The following BCKDHB variants were observed in gnomAD, a reference collection of about 807,000 sequenced individuals.
BCKDHB encodes branched chain keto acid dehydrogenase E1 subunit beta.
Under a neutral mutation model 48.5 loss-of-function variants are expected in BCKDHB, and 41 were observed. The ratio of observed to expected loss-of-function variants is 0.85; its 90% CI spans 0.66 to 1.10. The LOEUF is 1.10. Among genes scored for constraint, BCKDHB ranks in the 50% least tolerant of loss-of-function variants. BCKDHB has a pLI of 0.00. For synonymous variants in BCKDHB, 201 were observed against 174.8 expected, an observed-to-expected ratio of 1.15 and a Z score of -1.18; for missense variants, 496 against 494.2, an observed-to-expected ratio of 1.00 and a Z score of -0.03.
At chr6:80,205,837 G>GTGTGTGTGTGTGT (rs1368120428) in intron 8 of BCKDHB, among the ~76,000 whole-genome samples, 14 of 91,918 alleles carry the variant, frequency 1.5e-4, no homozygotes, top group African/African-American at 5.2e-4. Flanking sequence ...TGTGTGTGTA[G>GTGTGTGTGTGTGT]GTGGATTGGC....
rs756647770 is a variant in BCKDHB, at chr6:80,203,213, G to A, written c.951+1G>A. ...TTGGGATGTGGACACAATTTGTAAGGTATGAATATAATGGTGATAGAATGT... is the reference window on the plus strand; with the variant it reads ...TTGGGATGTGGACACAATTTGTAAGATATGAATATAATGGTGATAGAATGT... On this transcript the variant is annotated splice_donor_variant, in intron 8 of 9. Transcript: ENST00000320393. LOFTEE classifies it high-confidence loss of function. 8 of 1,572,932 alleles carry A rather than the reference G, an allele frequency of 5.1e-6. No individual in the cohort carries two copies. The highest frequency in any genetic ancestry group is 1.1e-5 in the South Asian group (1 of 90,226).
At chr6:80,151,975 A>G (rs995245973) in intron 3 of BCKDHB, among the ~76,000 whole-genome samples, 2 of 152,142 alleles carry the variant, frequency 1.3e-5, no homozygotes, top group Non-Finnish European at 2.9e-5. Flanking sequence ...ATGTTTTAGG[A>G]AACATCTCAT....
At chr6:80,288,509 A>G (rs967092603) in intron 9 of BCKDHB, among the ~76,000 whole-genome samples, 7 of 152,138 alleles carry the variant, frequency 4.6e-5, no homozygotes, top group African/African-American at 1.7e-4. Flanking sequence ...CATAGAAAAC[A>G]GGGATTTAGA....
Position 80,299,531 on chromosome 6 carries a change from A to G in BCKDHB, c.1038+26310A>G, listed in dbSNP as rs977707128. Reference sequence around the variant, plus strand: ...GCAAGAAAGAATTTGAGGTGAGTCCATAAAGTGAAAGCAAGTTTATTAAGA... The same window carrying G: ...GCAAGAAAGAATTTGAGGTGAGTCCGTAAAGTGAAAGCAAGTTTATTAAGA... On this transcript the variant is annotated intron_variant, in intron 9 of 9. Coordinates refer to ENST00000320393, the MANE Select transcript of BCKDHB (RefSeq NM_183050.4). Among the ~76,000 whole-genome samples the G allele has an allele frequency of 2.0e-5, 3 of 152,318 alleles. 1 individual carries two copies. The Middle Eastern group carries it at 0.01, about 518-fold the overall frequency.
At chr6:80,220,495 G>A (rs375310675) in intron 8 of BCKDHB, among the ~76,000 whole-genome samples, 2 of 120,836 alleles carry the variant, frequency 1.7e-5, no homozygotes, top group South Asian at 5.6e-4. Flanking sequence ...TTTCCTTTAT[G>A]TCTCTTTCTT....
chr6:80,225,808 T>C, intron 8 of BCKDHB, among the ~76,000 whole-genome samples: 1 of 152,202 alleles, frequency 6.6e-6, no homozygotes, highest in East Asian at 1.9e-4. Context: ...TACTTGTTCT[T>C]TATAGAGTTA....
At position 80,344,763 on chromosome 6, in the gene BCKDHB, CA is replaced by C. The variant is rs1262844937; in HGVS notation, c.*961del. The C allele has an allele frequency of 6.6e-6, 1 of 152,178 alleles. No homozygotes were observed. Among genetic ancestry groups the C allele is most frequent in the Non-Finnish European group, 1.5e-5 (1 of 68,010 alleles). 9.4% of individuals were successfully genotyped at this position (152,178 alleles called of 1,614,324 possible). ...GCAAGTGTACTTTATACCATTGTTT[CA>C]ACTTCAACCTTTATTTTTGTATATA... is the stretch of plus-strand genomic sequence containing the variant. On this transcript the variant is annotated 3_prime_UTR_variant, in exon 10 of 10. Transcript: ENST00000320393.
chr6:80,258,890 C>G (rs1402755913), intron 8 of BCKDHB, among the ~76,000 whole-genome samples: 2 of 152,168 alleles, frequency 1.3e-5, no homozygotes, highest in East Asian at 1.9e-4. Flanking sequence ...AGACTCCCCC[C>G]CAGTTCTTTC....
intron 5 of BCKDHB, among the ~76,000 whole-genome samples, chr6:80,170,541 C>CA (rs1772856820): frequency 1.3e-5 from 2 of 152,162 alleles, no homozygotes; most frequent in African/African-American, 4.8e-5. Flanking sequence ...CTCTAAACCT[C>CA]AGTGTCTATT....
intron 6 of BCKDHB, among the ~76,000 whole-genome samples, chr6:80,175,188 T>C (rs952548334): frequency 8.5e-5 from 13 of 152,130 alleles, no homozygotes; most frequent in African/African-American, 3.1e-4. Flanking sequence ...CACATATGTA[T>C]TTCAGCTACC....
At chr6:80,230,478 G>A (rs1562157220) in intron 8 of BCKDHB, among the ~76,000 whole-genome samples, 3 of 152,130 alleles carry the variant, frequency 2.0e-5, no homozygotes, top group Non-Finnish European at 2.9e-5. Context: ...ACAAGCTATG[G>A]CTGGGATTTG....
At chr6:80,249,342 A>G (rs1475558271) in intron 8 of BCKDHB, among the ~76,000 whole-genome samples, 1 of 152,042 alleles carries the variant, frequency 6.6e-6, no homozygotes, top group Non-Finnish European at 1.5e-5. Context: ...AAACACATTC[A>G]TGTCTGCAGT....
the BCKDHB span, among the ~76,000 whole-genome samples, chr6:80,357,670 C>T: frequency 5.3e-5 from 8 of 152,270 alleles, no homozygotes; most frequent in East Asian, 1.2e-3. Context: ...AATTGTGCTA[C>T]GTTTTCCTGG....
At chr6:80,385,302 C>T in the BCKDHB span, among the ~76,000 whole-genome samples, 2 of 152,180 alleles carry the variant, frequency 1.3e-5, no homozygotes, top group African/African-American at 4.8e-5. Context: ...CAGACACAAG[C>T]TCTTATCATG....
At chr6:80,342,555 T>TG (rs1554216140) in intron 9 of BCKDHB, among the ~76,000 whole-genome samples, 1,993 of 19,210 alleles carry the variant, frequency 0.1, 179 homozygotes, top group African/African-American at 0.21. Context: ...ACCTCATTTC[T>TG]GAAAAAAAAA....
the BCKDHB span, among the ~76,000 whole-genome samples, chr6:80,397,496 G>C: frequency 1.3e-5 from 2 of 152,110 alleles, no homozygotes; most frequent in African/African-American, 4.8e-5. Flanking sequence ...CCACCATAAA[G>C]TCATAAATGT....
chr6:80,337,324 C>T (rs1769643783), intron 9 of BCKDHB, among the ~76,000 whole-genome samples: 1 of 152,092 alleles, frequency 6.6e-6, no homozygotes, highest in Admixed American at 6.6e-5. Context: ...ATCAACTATA[C>T]ATCATTTTAG....
chr6:80,411,914 G>A, the BCKDHB span, among the ~76,000 whole-genome samples: 59 of 152,334 alleles, frequency 3.9e-4, no homozygotes, highest in African/African-American at 1.3e-3. Context: ...TCAACTTCCC[G>A]GGTGAGGTGA....
At chr6:80,194,151 A>G (rs1774030127) in intron 6 of BCKDHB, among the ~76,000 whole-genome samples, 1 of 152,154 alleles carries the variant, frequency 6.6e-6, no homozygotes, top group Non-Finnish European at 1.5e-5. Context: ...ACTTTCTGTT[A>G]TATCACAACT....
Sources: gnomAD v4.1 joint callset for allele counts (sites outside exome capture counted in the v4.1 genomes callset) on GRCh38, gnomAD v4.1.1 for gene constraint, MANE v1.5 for transcripts, NCBI Gene and HGNC (gene_info 2026-07-23, HGNC 2026-07-21) for gene names.